CTTNBP2: variants seen among roughly 807,000 people sequenced by gnomAD.
The protein encoded by CTTNBP2 is cortactin-binding protein 2.
A neutral mutation model predicts 156.9 loss-of-function variants in CTTNBP2; 108 were observed. The observed-to-expected ratio is 0.69, with a 90% CI of 0.59 to 0.81. The LOEUF is 0.81. Ranked by LOEUF, CTTNBP2 falls within the 30% of genes least tolerant of loss-of-function variation. CTTNBP2 has a pLI of 0.00. For missense variants in CTTNBP2, 1,924 were observed against 2,035.4 expected (o/e 0.95, Z 1.05); for synonymous variants, 767 against 751.8 (o/e 1.02, Z -0.33).
In CTTNBP2 at chr7:117,780,497, T is replaced by C. The variant is rs1235198862; in HGVS notation, c.2467A>G (p.Lys823Glu). Residue 823 changes from lysine (K) to glutamate (E), a missense_variant, in exon 7 of 23, where the codon AAA (lysine) becomes GAA (glutamate). Coordinates refer to ENST00000160373, the MANE Select transcript of CTTNBP2 (RefSeq NM_033427.3). ...PLYLACKNGN[K>E]ECIKLLLEAG... ...TCCAACAAGAGTTTAATACATTCTT[T>C]ATTTCCATTTTTACAGGCCAGGTAT... The C allele has an allele frequency of 1.2e-6, 2 of 1,602,634 alleles. No individual in the cohort carries two copies. The highest frequency in any genetic ancestry group is 2.3e-5 in the South Asian group (2 of 88,772).
chr7:117,864,719 T>G (rs1804017918), intron 1 of CTTNBP2, among the ~76,000 whole-genome samples: 1 of 133,100 alleles, frequency 7.5e-6, no homozygotes, highest in Non-Finnish European at 1.6e-5. Flanking sequence ...TATATATTCA[T>G]ATATACATAT....
chr7:117,727,000 G>T (rs541201699), intron 17 of CTTNBP2, among the ~76,000 whole-genome samples: 1 of 152,246 alleles, frequency 6.6e-6, no homozygotes, highest in South Asian at 2.1e-4. Flanking sequence ...GGTCAAAAAT[G>T]ATTCCTAAGA....
rs1036614778 is a variant in CTTNBP2, at chr7:117,758,127, T to TA, written c.3173-158dup. On this transcript the variant is annotated intron_variant, in intron 10 of 22. Transcript: ENST00000160373. ...ACACATATAGGGCCACACAAGGGGT[T>TA]AGCTCCCTAATGAAATTCTTGTTGA... 24 of 571,100 alleles carry TA rather than the reference T, an allele frequency of 4.2e-5. No homozygotes were observed. In the African/African-American group the frequency reaches 4.5e-4, roughly 11 times the overall value. 35.4% of individuals were successfully genotyped at this position (571,100 alleles called of 1,614,324 possible). A position where few individuals can be genotyped will look rare whatever the true frequency, so the allele number is the denominator to read the frequency against.
At chr7:117,866,743 C>A (rs1563079609) in intron 1 of CTTNBP2, among the ~76,000 whole-genome samples, 1 of 152,182 alleles carries the variant, frequency 6.6e-6, no homozygotes, top group Non-Finnish European at 1.5e-5. Context: ...CATGTACCAT[C>A]AGGGTAACTG....
chr7:117,847,431 G>A (rs1802652634), intron 2 of CTTNBP2, among the ~76,000 whole-genome samples: 1 of 152,198 alleles, frequency 6.6e-6, no homozygotes, highest in Non-Finnish European at 1.5e-5. Flanking sequence ...AGCTACCTGG[G>A]AGGCTGAGGC....
chr7:117,783,254 AT>A (rs977946434), intron 5 of CTTNBP2, among the ~76,000 whole-genome samples: 2 of 152,184 alleles, frequency 1.3e-5, no homozygotes, highest in African/African-American at 4.8e-5. Flanking sequence ...GTAAAAAAAA[AT>A]GTCATGTGCC....
At chr7:117,779,528 T>C (rs1798284541) in intron 7 of CTTNBP2, among the ~76,000 whole-genome samples, 1 of 150,758 alleles carries the variant, frequency 6.6e-6, no homozygotes, top group Non-Finnish European at 1.5e-5. Flanking sequence ...AGCCCTGTGA[T>C]ACAAAATTAA....
rs1027046041 is a variant in CTTNBP2, at chr7:117,806,063, T to C, written c.414+4702A>G. Among the ~76,000 whole-genome samples, 13 of 152,342 alleles carry C rather than the reference T, an allele frequency of 8.5e-5. No individual in the cohort carries two copies. The East Asian group carries it at 2.3e-3, about 27-fold the overall frequency. On this transcript the variant is annotated intron_variant, in intron 3 of 22. Transcript: ENST00000160373. ...CTTTGTTATGTTATTGTCGAATTTA[T>C]ATCTCCTTCGAACCACTTTCAAGCA...
intron 1 of CTTNBP2, among the ~76,000 whole-genome samples, chr7:117,864,694 ATAT>A (rs1804008376): frequency 1.4e-5 from 2 of 145,198 alleles, no homozygotes; most frequent in African/African-American, 2.5e-5. Context: ...ATATTCATAT[ATAT>A]TCATATATTC....
rs142299911 is a variant in CTTNBP2, at chr7:117,718,935, G to A, written c.4644+569C>T. Among the ~76,000 whole-genome samples, 7 of 152,204 alleles carry A rather than the reference G, an allele frequency of 4.6e-5. No individual in the cohort carries two copies. In the East Asian group the frequency reaches 1.2e-3, roughly 25 times the overall value. On this transcript the variant is annotated intron_variant, in intron 21 of 22. Coordinates refer to ENST00000160373, the MANE Select transcript of CTTNBP2 (RefSeq NM_033427.3). ...GCCCAGGCTGGGTACAGTGGCTCAC[G>A]CTTGTAATCCCAGCATTTTGGGAGG...
chr7:117,841,548 C>A (rs1406963242), intron 2 of CTTNBP2, among the ~76,000 whole-genome samples: 1 of 152,042 alleles, frequency 6.6e-6, no homozygotes, highest in Non-Finnish European at 1.5e-5. Context: ...AATGAAAGTA[C>A]AACATCCCCC....
At chr7:117,870,684 T>C (rs941737123) in intron 1 of CTTNBP2, among the ~76,000 whole-genome samples, 2 of 152,224 alleles carry the variant, frequency 1.3e-5, no homozygotes, top group African/African-American at 4.8e-5. Context: ...TCGTTTTCCA[T>C]ACTGCCTTAT....
chr7:117,724,883 G>A, intron 18 of CTTNBP2, 151 bp from the exon 19 acceptor site: 2 of 1,084,564 alleles, frequency 1.8e-6, no homozygotes, highest in Non-Finnish European at 1.3e-6. Flanking sequence ...ACTTTACTTG[G>A]AGGTCTAGAA....
chr7:117,727,878 G>A (rs1405110111), intron 17 of CTTNBP2, among the ~76,000 whole-genome samples: 1 of 152,094 alleles, frequency 6.6e-6, no homozygotes, highest in Admixed American at 6.5e-5. Context: ...TCTAATAGAG[G>A]AAAAACCTAG....
intron 14 of CTTNBP2, among the ~76,000 whole-genome samples, chr7:117,737,984 A>G (rs934042132): frequency 6.6e-6 from 1 of 152,206 alleles, no homozygotes; most frequent in Non-Finnish European, 1.5e-5. Context: ...GAATAGTTAT[A>G]AAAGCGTCAT....
chr7:117,816,081 CA>C (rs1209412064), intron 2 of CTTNBP2, among the ~76,000 whole-genome samples: 2 of 152,270 alleles, frequency 1.3e-5, no homozygotes, highest in East Asian at 1.9e-4. Context: ...GTCTCCTTCC[CA>C]GGGGGGCAAT....
chr7:117,867,187 C>T (rs1334245271), intron 1 of CTTNBP2, among the ~76,000 whole-genome samples: 1 of 152,126 alleles, frequency 6.6e-6, no homozygotes, highest in African/African-American at 2.4e-5. Flanking sequence ...ATTATCTTCC[C>T]GATTTCTCTC....
At chr7:117,861,387 G>T in intron 1 of CTTNBP2, 71 bp from the exon 2 acceptor site, 1 of 1,061,960 alleles carries the variant, frequency 9.4e-7, no homozygotes, top group Non-Finnish European at 1.4e-6. Flanking sequence ...CTAAGGGTAT[G>T]CAATGAATCA....
chr7:117,854,891 T>A (rs1803187688), intron 2 of CTTNBP2, among the ~76,000 whole-genome samples: 1 of 152,142 alleles, frequency 6.6e-6, no homozygotes, highest in Non-Finnish European at 1.5e-5. Flanking sequence ...TTCAGGCGAT[T>A]CTCCTGCCTC....
Sources: allele counts gnomAD v4.1 joint callset (sites outside exome capture counted in the v4.1 genomes callset), GRCh38; gene constraint gnomAD v4.1.1; transcripts MANE v1.5; gene names NCBI Gene and HGNC (gene_info 2026-07-23, HGNC 2026-07-21).